The following KIF15 variants were observed in gnomAD, a reference collection of about 807,000 sequenced individuals.
KIF15 encodes kinesin-like protein KIF15.
Under a neutral mutation model 190.6 loss-of-function variants are expected in KIF15, and 140 were observed. The ratio of observed to expected loss-of-function variants is 0.73; its 90% CI spans 0.64 to 0.84. KIF15 has a LOEUF of 0.84. KIF15 is among the 40% of genes least tolerant of loss of function. The pLI is 0.00. For missense variants in KIF15, 1,372 were observed against 1,584.4 expected (o/e 0.87, Z 2.28); for synonymous variants, 528 against 551.3 (o/e 0.96, Z 0.59).
At chr3:44,765,102 G>T (rs1296099564) in intron 1 of KIF15, among the ~76,000 whole-genome samples, 2 of 152,202 alleles carry the variant, frequency 1.3e-5, no homozygotes, top group Non-Finnish European at 2.9e-5. Flanking sequence ...TGTTTCCTTA[G>T]ATCTCAATTA....
At chr3:44,836,904 G>A (rs1698349929) in intron 26 of KIF15, among the ~76,000 whole-genome samples, 1 of 152,232 alleles carries the variant, frequency 6.6e-6, no homozygotes, top group African/African-American at 2.4e-5. Context: ...AGGAAAAGGA[G>A]TTGGTTAACA....
chr3:44,819,598 G>C (rs1575640828), intron 20 of KIF15, among the ~76,000 whole-genome samples: 1 of 152,252 alleles, frequency 6.6e-6, no homozygotes, highest in East Asian at 1.9e-4. Flanking sequence ...ATTGCACTGT[G>C]GTCTAAGAGA....
rs553645260 is a variant in KIF15 at position 44,778,271 on chromosome 3, C to T, written c.323+80C>T. On this transcript the variant is annotated intron_variant, in intron 4 of 34. Transcript: ENST00000326047. ...TGCTGTTGTAACAAATTACCACAAA[C>T]GTAGTGGCTTAAAACAACACAAATG... The T allele has an allele frequency of 5.1e-5, 56 of 1,108,814 alleles. 2 individuals are homozygous for T. The South Asian group carries it at 6.0e-4, about 12-fold the overall frequency. 68.7% of individuals were successfully genotyped at this position (1,108,814 alleles called of 1,614,324 possible). A position where few individuals can be genotyped will look rare whatever the true frequency, so the allele number is the denominator to read the frequency against.
chr3:44,794,487 C>A lies in KIF15; in HGVS notation c.849+61C>A. The stretch of plus-strand genomic sequence containing the variant: ...AGTTCTTACTAGCAGTCAATACAGT[C>A]GTGATGCATGACAGTGTCTCAGTCA... On this transcript the variant is annotated intron_variant, in intron 8 of 34. Coordinates refer to ENST00000326047, the MANE Select transcript of KIF15 (RefSeq NM_020242.3). 4.0e-6 allele frequency: 5 copies of A among 1,251,680 alleles called. No homozygotes were observed. The South Asian group carries it at 4.4e-5, about 11-fold the overall frequency. The allele number at this position is 1,251,680 out of a possible 1,614,324, so 77.5% of individuals were successfully genotyped here. A position where few individuals can be genotyped will look rare whatever the true frequency, so the allele number is the denominator to read the frequency against.
At chr3:44,861,540 G>T (rs905614868) in intron 6 of KIF15, among the ~76,000 whole-genome samples, 1 of 152,224 alleles carries the variant, frequency 6.6e-6, no homozygotes, top group African/African-American at 2.4e-5. Flanking sequence ...CCTGGTCGAC[G>T]TGGATGGACT....
intron 15 of KIF15, among the ~76,000 whole-genome samples, chr3:44,805,548 C>T (rs1284479133): frequency 6.6e-6 from 1 of 152,108 alleles, no homozygotes. Flanking sequence ...ATCAATCTTA[C>T]CCTAAAATAT....
intron 6 of KIF15, chr3:44,862,159 G>A (rs1699262853): frequency 8.2e-6 from 9 of 1,101,302 alleles, no homozygotes; most frequent in Non-Finnish European, 1.0e-5. Flanking sequence ...GCGGGCGGGC[G>A]GGCGGGGCGC....
chr3:44,799,142 AGAATTAT>A lies in KIF15; in HGVS notation c.1099-1168_1099-1162del, dbSNP rs1707134628. The A allele has an allele frequency of 2.5e-5, 10 of 399,436 alleles. 1 individual carries two copies. The highest frequency in any genetic ancestry group is 1.7e-4 in the South Asian group (9 of 53,852). The allele number at this position is 399,436 out of a possible 1,614,324, so 24.7% of individuals were successfully genotyped here. ...GAGATATAGAACTGCAGCAATAATT[AGAATTAT>A]GAAGTCACTGATGGGACAGTGATGT... On this transcript the variant is annotated intron_variant, in intron 10 of 34. Transcript: ENST00000326047.
rs553658146 is a variant in KIF15, at chr3:44,826,408, C to T, written c.2734C>T (p.Arg912Cys). ...GGAGCTTCTTGAGGCAGAAAAAGAA[C>T]GCAATAACAAATTATCATTACAGTT... The part of the protein sequence containing the change: ...LMELLEAEKE[R>C]NNKLSLQFEE... The change falls in exon 22 of 35, where the codon CGC becomes TGC. Residue 912 changes from arginine (R) to cysteine (C), a missense_variant. Transcript: ENST00000326047. The T allele has an allele frequency of 8.7e-6, 14 of 1,612,672 alleles. No homozygotes were observed. The highest frequency in any genetic ancestry group is 5.3e-5 in the African/African-American group (4 of 74,960).
chr3:44,774,292 C>G (rs760564326), intron 1 of KIF15, 103 bp from the exon 2 acceptor site: 43 of 916,264 alleles, frequency 4.7e-5, no homozygotes, highest in Non-Finnish European at 7.5e-5. Flanking sequence ...AGTCAGGGAT[C>G]TGAGGAGGCT....
At chr3:44,827,163 G>A (rs769425532) in intron 22 of KIF15, 205 of 389,638 alleles carry the variant, frequency 5.3e-4, no homozygotes, top group Non-Finnish European at 8.4e-4. Context: ...CCCTGTCCTC[G>A]TGGATTTTAA....
rs1163982120 is a variant in KIF15 at position 44,848,528 on chromosome 3, T to C, written c.3776T>C (p.Ile1259Thr). 8.5e-6 allele frequency: 10 copies of C among 1,171,398 alleles called. No homozygotes were observed. In the East Asian group the frequency reaches 2.2e-4, roughly 26 times the overall value. 72.6% of individuals were successfully genotyped at this position (1,171,398 alleles called of 1,614,324 possible). Residue 1259 changes from isoleucine (I) to threonine (T), a missense_variant, in exon 32 of 35, where the codon ATA becomes ACA. Physicochemically the swap from Ile to Thr is moderately conservative, Grantham distance 89. Coordinates refer to ENST00000326047, the MANE Select transcript of KIF15 (RefSeq NM_020242.3). ...TTTTTAATCTTCTTATAGAGTAAAA[T>C]AGTTGAAGAAATGCTGAAAATGAAA... ...SIKERLAKSK[I>T]VEEMLKMKAD...
At chr3:44,773,377 AC>A (rs1316947390) in intron 1 of KIF15, among the ~76,000 whole-genome samples, 3 of 151,820 alleles carry the variant, frequency 2.0e-5, no homozygotes, top group African/African-American at 7.3e-5. Flanking sequence ...GTGGCGGGAA[AC>A]CCTGGCCAGC....
chr3:44,805,120 AG>A lies in KIF15; in HGVS notation c.1782del (p.Glu594AspfsTer2). The A allele has an allele frequency of 6.2e-7, 1 of 1,613,668 alleles. No individual in the cohort carries two copies. Among genetic ancestry groups the A allele is most frequent in the Non-Finnish European group, 8.5e-7 (1 of 1,179,682 alleles). ...GCACAACTCCTGCAAATTCAGACAG[AG>A]CTGAATAATTCAAAGCAAGAATATG... The part of the protein sequence containing the change: ...LKAQLLQIQT[E>X]LNNSKQEYEE... On this transcript the variant is annotated frameshift_variant, in exon 15 of 35. Coordinates refer to ENST00000326047, the MANE Select transcript of KIF15 (RefSeq NM_020242.3). LOFTEE classifies it high-confidence loss of function.
chr3:44,776,500 TTAAA>T (rs1301209610), intron 3 of KIF15, among the ~76,000 whole-genome samples: 1 of 152,170 alleles, frequency 6.6e-6, no homozygotes, highest in Non-Finnish European at 1.5e-5. Context: ...TTTAAATTAA[TTAAA>T]TAAAACTTGA....
chr3:44,821,259 AC>A (rs1241763767), intron 20 of KIF15, among the ~76,000 whole-genome samples: 1 of 122,624 alleles, frequency 8.2e-6, no homozygotes, highest in Non-Finnish European at 1.7e-5. Flanking sequence ...CGGAGGGCTG[AC>A]CCCCCCACCT....
intron 19 of KIF15, among the ~76,000 whole-genome samples, chr3:44,813,511 G>A (rs1474095294): frequency 1.3e-5 from 2 of 151,964 alleles, no homozygotes; most frequent in African/African-American, 2.4e-5. Context: ...TCCACCTCCC[G>A]AGTTCAAGCG....
intron 7 of KIF15, among the ~76,000 whole-genome samples, chr3:44,786,826 A>C (rs999461112): frequency 2.0e-5 from 3 of 152,130 alleles, no homozygotes; most frequent in African/African-American, 7.2e-5. Flanking sequence ...TTACTTGTCC[A>C]TATGTTTTTA....
intron 5 of KIF15, among the ~76,000 whole-genome samples, chr3:44,781,693 A>G (rs1056747848): frequency 4.6e-5 from 7 of 152,334 alleles, no homozygotes; most frequent in Admixed American, 6.5e-5. Flanking sequence ...TTCCTTATAT[A>G]TACTTGAAAT....
Sources: allele counts gnomAD v4.1 joint callset (sites outside exome capture counted in the v4.1 genomes callset), GRCh38; gene constraint gnomAD v4.1.1; transcripts MANE v1.5; gene names NCBI Gene and HGNC (gene_info 2026-07-23, HGNC 2026-07-21).